CHSY3: variants seen among roughly 807,000 people sequenced by gnomAD.
CHSY3 encodes N-acetylgalactosaminyl-proteoglycan 3-beta-glucuronosyltransferase 3.
In CHSY3, 35 loss-of-function variants were observed where a neutral mutation model predicts 67.2. The ratio of observed to expected loss-of-function variants is 0.52; its 90% CI spans 0.40 to 0.69. The LOEUF is 0.69. CHSY3 is among the 30% of genes least tolerant of loss of function. The probability of loss-of-function intolerance (pLI) is 0.00; values close to 1 mark genes in which losing one functional copy is unlikely to be tolerated. For synonymous variants in CHSY3, 474 were observed against 434.7 expected (o/e 1.09, Z -1.12); for missense variants, 1,069 against 1,138.5 (o/e 0.94, Z 0.88).
At chr5:130,080,683 C>A (rs1439619636) in intron 2 of CHSY3, among the ~76,000 whole-genome samples, 1 of 151,966 alleles carries the variant, frequency 6.6e-6, no homozygotes, top group Non-Finnish European at 1.5e-5. Flanking sequence ...TCATGGACAG[C>A]ACAGAGAAAA....
intron 2 of CHSY3, among the ~76,000 whole-genome samples, chr5:129,970,171 AC>A (rs1318299868): frequency 1.3e-5 from 2 of 151,834 alleles, no homozygotes. Flanking sequence ...CGTAAGACTT[AC>A]TGAAATTATT....
chr5:130,093,103 C>T (rs145374717), intron 2 of CHSY3, among the ~76,000 whole-genome samples: 1 of 152,208 alleles, frequency 6.6e-6, no homozygotes, highest in African/African-American at 2.4e-5. Context: ...ATTATAAATA[C>T]CATCTCTATG....
chr5:129,981,245 C>T (rs923164003), intron 2 of CHSY3, among the ~76,000 whole-genome samples: 4 of 151,596 alleles, frequency 2.6e-5, no homozygotes, highest in African/African-American at 7.3e-5. Flanking sequence ...GATCAATCGA[C>T]TATATTTATG....
At chr5:130,034,697 T>G (rs1450296915) in intron 2 of CHSY3, among the ~76,000 whole-genome samples, 2 of 152,066 alleles carry the variant, frequency 1.3e-5, no homozygotes, top group African/African-American at 4.8e-5. Context: ...TGTGCTCTGT[T>G]GAAAAAATAA....
intron 2 of CHSY3, among the ~76,000 whole-genome samples, chr5:130,149,606 A>G (rs1434059273): frequency 1.3e-5 from 2 of 152,222 alleles, no homozygotes; most frequent in East Asian, 3.8e-4. Flanking sequence ...GAAATTCAAC[A>G]TGAGATTTGG....
chr5:130,075,648 A>G (rs1766225736), intron 2 of CHSY3, among the ~76,000 whole-genome samples: 1 of 152,156 alleles, frequency 6.6e-6, no homozygotes, highest in South Asian at 2.1e-4. Flanking sequence ...AATCAATTTC[A>G]TATGTATAAT....
At chr5:129,987,074 C>T (rs1484052405) in intron 2 of CHSY3, among the ~76,000 whole-genome samples, 1 of 152,056 alleles carries the variant, frequency 6.6e-6, no homozygotes, top group East Asian at 1.9e-4. Context: ...AATTTTGTTT[C>T]ATTAAAGTTC....
chr5:129,915,281 A>T (rs1394070941), intron 2 of CHSY3, among the ~76,000 whole-genome samples: 4 of 152,192 alleles, frequency 2.6e-5, no homozygotes, highest in Non-Finnish European at 5.9e-5. Context: ...AAGCCTAAGT[A>T]AACTGAAAAA....
rs189855963 is a variant in CHSY3, at chr5:130,015,951, C to T, written c.1086+107591C>T. Among the ~76,000 whole-genome samples the T allele has an allele frequency of 8.6e-4, 131 of 152,230 alleles. 1 individual carries two copies. The highest frequency in any genetic ancestry group is 5.5e-3 in the Admixed American group (84 of 15,290). On this transcript the variant is annotated intron_variant, in intron 2 of 2. Coordinates refer to ENST00000305031, the MANE Select transcript of CHSY3 (RefSeq NM_175856.5). ...TTGACAGCAGCATGGATGCAGCTGG[C>T]GGCCATTATCTTAAGTGAATTAATG...
At chr5:130,102,506 A>G (rs1296712981) in intron 2 of CHSY3, among the ~76,000 whole-genome samples, 2 of 151,988 alleles carry the variant, frequency 1.3e-5, no homozygotes, top group African/African-American at 2.4e-5. Flanking sequence ...AAAAATGACT[A>G]GTGAGCAATA....
chr5:129,919,328 G>A (rs1346681382), intron 2 of CHSY3, among the ~76,000 whole-genome samples: 2 of 152,094 alleles, frequency 1.3e-5, no homozygotes, highest in Admixed American at 6.5e-5. Flanking sequence ...AGATGCAAAG[G>A]TAGGAAAACT....
intron 2 of CHSY3, among the ~76,000 whole-genome samples, chr5:129,957,973 C>A (rs1762226460): frequency 6.6e-6 from 1 of 151,898 alleles, no homozygotes; most frequent in Non-Finnish European, 1.5e-5. Context: ...TCTGTTTTAT[C>A]TTTACTTTCA....
intron 2 of CHSY3, among the ~76,000 whole-genome samples, chr5:130,115,256 T>G (rs1767754859): frequency 6.6e-6 from 1 of 152,068 alleles, no homozygotes; most frequent in Non-Finnish European, 1.5e-5. Context: ...TTTTCCTCCA[T>G]AAATACAGAG....
chr5:130,166,864 C>T (rs766320696), intron 2 of CHSY3, among the ~76,000 whole-genome samples: 1 of 151,996 alleles, frequency 6.6e-6, no homozygotes, highest in Non-Finnish European at 1.5e-5. Flanking sequence ...TGAGCCTTTC[C>T]TTCTTTTTTT....
intron 2 of CHSY3, among the ~76,000 whole-genome samples, chr5:130,014,716 T>A (rs1453494877): frequency 6.6e-6 from 1 of 152,048 alleles, no homozygotes; most frequent in Non-Finnish European, 1.5e-5. Context: ...TCAAGAGGGA[T>A]TAAAGATGTA....
chr5:129,955,168 AT>A (rs1010762259), intron 2 of CHSY3, among the ~76,000 whole-genome samples: 2 of 151,796 alleles, frequency 1.3e-5, no homozygotes, highest in Non-Finnish European at 2.9e-5. Flanking sequence ...CGCCTGGCCC[AT>A]TTTTTTTAAA....
At chr5:129,954,154 G>T (rs1762102048) in intron 2 of CHSY3, among the ~76,000 whole-genome samples, 1 of 152,094 alleles carries the variant, frequency 6.6e-6, no homozygotes, top group South Asian at 2.1e-4. Context: ...GTTAATTTCT[G>T]TATAAGGTGT....
At chr5:130,139,795 A>C (rs1346215363) in intron 2 of CHSY3, among the ~76,000 whole-genome samples, 1 of 152,210 alleles carries the variant, frequency 6.6e-6, no homozygotes, top group African/African-American at 2.4e-5. Context: ...TAGTAGTATG[A>C]TTATAAAACA....
At chr5:130,110,586 G>A (rs1767561878) in intron 2 of CHSY3, among the ~76,000 whole-genome samples, 1 of 151,918 alleles carries the variant, frequency 6.6e-6, no homozygotes, top group Non-Finnish European at 1.5e-5. Flanking sequence ...GATCTGTCTT[G>A]AGCCTTAGGG....
Sources: gnomAD v4.1 joint callset for allele counts (sites outside exome capture counted in the v4.1 genomes callset) on GRCh38, gnomAD v4.1.1 for gene constraint, MANE v1.5 for transcripts, NCBI Gene and HGNC (gene_info 2026-07-23, HGNC 2026-07-21) for gene names.